IL1RAP: variants seen among roughly 807,000 people sequenced by gnomAD.
The protein encoded by IL1RAP is interleukin-1 receptor accessory protein.
Under a neutral mutation model 60.7 loss-of-function variants are expected in IL1RAP, and 35 were observed. The observed-to-expected ratio is 0.58, with a 90% CI of 0.44 to 0.76. The LOEUF (loss-of-function observed/expected upper bound fraction) is 0.76, where lower values mean the gene tolerates loss of function less well. Ranked by LOEUF, IL1RAP falls within the 30% of genes least tolerant of loss-of-function variation. The pLI, the probability that IL1RAP is intolerant of heterozygous loss-of-function variation, is 0.00. For synonymous variants in IL1RAP, 268 were observed against 250.9 expected, an observed-to-expected ratio of 1.07 and a Z score of -0.64; for missense variants, 572 against 693.9, an observed-to-expected ratio of 0.82 and a Z score of 1.97.
chr3:190,555,206 C>T (rs1725300268), intron 1 of IL1RAP, among the ~76,000 whole-genome samples: 1 of 152,028 alleles, frequency 6.6e-6, no homozygotes, highest in Non-Finnish European at 1.5e-5. Flanking sequence ...GGTGATATGT[C>T]TGTTTTGGGC....
At chr3:190,623,944 A>C (rs1000411924) in intron 7 of IL1RAP, among the ~76,000 whole-genome samples, 12 of 152,186 alleles carry the variant, frequency 7.9e-5, no homozygotes, top group Non-Finnish European at 1.3e-4. Flanking sequence ...TAACTGACCA[A>C]ATACGGGATA....
rs1413695398 is a variant in IL1RAP, at chr3:190,645,837, G to A, written c.1340G>A (p.Gly447Glu). ...ATCTTTGACCGAGACAGTCTGCCTG[G>A]GGGAAGTAGGTATTTCAGAGGAGTA... ...LCIFDRDSLPGGIVTDETLSF... is the reference protein window; with the variant it reads ...LCIFDRDSLPEGIVTDETLSF... Residue 447 changes from glycine (G) to glutamate (E), a missense_variant, in exon 11 of 12, where the codon GGG becomes GAG. Transcript: ENST00000447382. 6.2e-7 allele frequency: 1 copy of A among 1,612,534 alleles called. No homozygotes were observed. The highest frequency in any genetic ancestry group is 8.5e-7 in the Non-Finnish European group (1 of 1,179,252).
chr3:190,544,229 G>C (rs943934075), intron 1 of IL1RAP, among the ~76,000 whole-genome samples: 7 of 152,064 alleles, frequency 4.6e-5, no homozygotes, highest in African/African-American at 1.4e-4. Context: ...AAAAATAAAG[G>C]CTCCCCTCTG....
At chr3:190,555,772 A>C (rs574496860) in intron 1 of IL1RAP, 1 of 152,342 alleles carries the variant, frequency 6.6e-6, no homozygotes, top group South Asian at 2.1e-4. Flanking sequence ...TGTCCAGAGC[A>C]TGATACATAT....
intron 1 of IL1RAP, among the ~76,000 whole-genome samples, chr3:190,523,318 C>T (rs1452738200): frequency 2.0e-5 from 3 of 152,022 alleles, no homozygotes; most frequent in Admixed American, 6.6e-5. Context: ...GCATTTGGTA[C>T]CTTATAAGCT....
intron 9 of IL1RAP, among the ~76,000 whole-genome samples, chr3:190,630,693 A>T (rs532749603): frequency 1.3e-5 from 2 of 152,332 alleles, no homozygotes; most frequent in East Asian, 3.9e-4. Context: ...ACTGAAGTAC[A>T]TGATGTAAGG....
intron 1 of IL1RAP, among the ~76,000 whole-genome samples, chr3:190,537,364 G>A (rs1350595516): frequency 2.0e-5 from 3 of 152,102 alleles, no homozygotes; most frequent in Non-Finnish European, 4.4e-5. Flanking sequence ...TTTACATGCA[G>A]GCAGCTGTAC....
At chr3:190,636,879 G>A (rs900078896) in intron 9 of IL1RAP, among the ~76,000 whole-genome samples, 19 of 151,832 alleles carry the variant, frequency 1.3e-4, no homozygotes, top group Admixed American at 1.2e-3. Flanking sequence ...ATCTCCTCTA[G>A]ACTAATTGGT....
intron 1 of IL1RAP, among the ~76,000 whole-genome samples, chr3:190,554,976 T>C (rs966551273): frequency 1.3e-5 from 2 of 152,200 alleles, no homozygotes; most frequent in African/African-American, 4.8e-5. Flanking sequence ...ATTTTGTTAC[T>C]TCTGTCCTTT....
chr3:190,636,325 T>TA (rs1733221848), intron 9 of IL1RAP, among the ~76,000 whole-genome samples: 2 of 152,326 alleles, frequency 1.3e-5, no homozygotes, highest in Non-Finnish European at 2.9e-5. Context: ...TCTTTACATA[T>TA]AATATGGATT....
rs1734236075 is a variant in IL1RAP, at chr3:190,649,030, T to C, written c.*325T>C. 2.9e-6 allele frequency: 3 copies of C among 1,021,594 alleles called. No individual in the cohort carries two copies. The highest frequency in any genetic ancestry group is 4.4e-5 in the South Asian group (1 of 22,524). The allele number at this position is 1,021,594 out of a possible 1,614,324, so 63.3% of individuals were successfully genotyped here. A position where few individuals can be genotyped will look rare whatever the true frequency, so the allele number is the denominator to read the frequency against. On this transcript the variant is annotated 3_prime_UTR_variant, in exon 12 of 12. Transcript: ENST00000447382. ...CCATTCTTTTTAAAATCTTAACATATGGAGCAGCCTTTCCTATGAATTTAA... is the reference window on the plus strand; with the variant it reads ...CCATTCTTTTTAAAATCTTAACATACGGAGCAGCCTTTCCTATGAATTTAA...
At chr3:190,576,399 C>T (rs10937441) in intron 3 of IL1RAP, among the ~76,000 whole-genome samples, 107,947 of 151,842 alleles carry the variant, frequency 0.71, 39,385 homozygotes, top group East Asian at 1. Flanking sequence ...CACACACACG[C>T]ACATTTTAAT....
intron 3 of IL1RAP, among the ~76,000 whole-genome samples, chr3:190,571,563 A>G (rs1196366935): frequency 6.6e-6 from 1 of 152,150 alleles, no homozygotes; most frequent in Non-Finnish European, 1.5e-5. Flanking sequence ...ATAGACCTTT[A>G]TTATTATTAC....
chr3:190,582,017 A>G (rs1344698821), intron 3 of IL1RAP, among the ~76,000 whole-genome samples: 6 of 152,196 alleles, frequency 3.9e-5, no homozygotes, highest in Admixed American at 3.9e-4. Context: ...CATAAGGAGG[A>G]TAAAAGATGT....
At chr3:190,563,305 C>G (rs1326026294) in intron 2 of IL1RAP, 8 of 152,094 alleles carry the variant, frequency 5.3e-5, no homozygotes, top group African/African-American at 1.9e-4. Context: ...GAAATATGAG[C>G]TGGACAAGTT....
At chr3:190,640,463 T>G (rs1733574605) in intron 9 of IL1RAP, among the ~76,000 whole-genome samples, 1 of 152,204 alleles carries the variant, frequency 6.6e-6, no homozygotes, top group Non-Finnish European at 1.5e-5. Flanking sequence ...GGTCTCTGAT[T>G]TATCATAATT....
chr3:190,547,796 C>T (rs1724505544), intron 1 of IL1RAP, among the ~76,000 whole-genome samples: 1 of 152,112 alleles, frequency 6.6e-6, no homozygotes, highest in Non-Finnish European at 1.5e-5. Flanking sequence ...GAAACTGAGG[C>T]ATAGGGACAA....
intron 6 of IL1RAP, among the ~76,000 whole-genome samples, 183 bp downstream of exon 6, chr3:190,620,623 G>A (rs1015704): frequency 0.61 from 93,164 of 151,882 alleles, 30,098 homozygotes; most frequent in East Asian, 0.81. Context: ...AGTAACTGTT[G>A]GTCAACTGAA....
In IL1RAP at chr3:190,618,928, T is replaced by C. The variant is rs78003269; in HGVS notation, c.538-1347T>C. ...TCCTGTGACAAAGCATTACAAAATGTGCCTCAATGTAACTGTCATATTTCA... is the reference window on the plus strand; with the variant it reads ...TCCTGTGACAAAGCATTACAAAATGCGCCTCAATGTAACTGTCATATTTCA... On this transcript the variant is annotated intron_variant, in intron 5 of 11. Transcript: ENST00000447382. Among the ~76,000 whole-genome samples the C allele has an allele frequency of 5.2e-3, 789 of 152,312 alleles. 8 individuals are homozygous for C. Among genetic ancestry groups the C allele is most frequent in the African/African-American group, 0.017 (710 of 41,566 alleles).
Sources: allele counts gnomAD v4.1 joint callset (sites outside exome capture counted in the v4.1 genomes callset), GRCh38; gene constraint gnomAD v4.1.1; transcripts MANE v1.5; gene names NCBI Gene and HGNC (gene_info 2026-07-23, HGNC 2026-07-21).